The following CENPF variants were observed in gnomAD, a reference collection of about 807,000 sequenced individuals.
CENPF encodes AH antigen.
A neutral mutation model predicts 307.3 loss-of-function variants in CENPF; 214 were observed. That is an observed-to-expected ratio of 0.70 (90% CI 0.62 to 0.78). The LOEUF (loss-of-function observed/expected upper bound fraction) is 0.78, where lower values mean the gene tolerates loss of function less well. Ranked by LOEUF, CENPF falls within the 30% of genes least tolerant of loss-of-function variation. CENPF has a pLI of 0.00. For missense variants in CENPF, 3,401 were observed against 3,483.9 expected, an observed-to-expected ratio of 0.98 and a Z score of 0.60; for synonymous variants, 1,259 against 1,270.6, an observed-to-expected ratio of 0.99 and a Z score of 0.19.
At position 214,652,845 on chromosome 1, in the gene CENPF, G is replaced by T; in HGVS notation, c.8178G>T (p.Gln2726His). The stretch of plus-strand genomic sequence containing the variant: ...TGCTCTAGTATGAAGTAGAAATCCA[G>T]ACATACCGAGAGAAATTGACTTCTA... ...DTNKQYEVEIQTYREKLTSKE... is the reference protein window; with the variant it reads ...DTNKQYEVEIHTYREKLTSKE... The change falls in exon 16 of 20, where the codon CAG (glutamine) becomes CAT (histidine). Residue 2726 changes from glutamine (Q) to histidine (H), a missense_variant. Transcript: ENST00000366955. 6.3e-7 allele frequency: 1 copy of T among 1,592,152 alleles called. No homozygotes were observed. Among genetic ancestry groups the T allele is most frequent in the African/African-American group, 1.4e-5 (1 of 73,276 alleles).
In CENPF at chr1:214,647,201, T is replaced by A. The variant is rs753952351; in HGVS notation, c.7631T>A (p.Val2544Glu). 6.2e-7 allele frequency: 1 copy of A among 1,614,032 alleles called. No individual in the cohort carries two copies. Among genetic ancestry groups the A allele is most frequent in the Admixed American group, 1.7e-5 (1 of 60,006 alleles). ...CAGCTTGTCTCTAAACTGTCCCAGGTGGAAGGAGAGCACCAACTTTGGAAG... is the reference window on the plus strand; with the variant it reads ...CAGCTTGTCTCTAAACTGTCCCAGGAGGAAGGAGAGCACCAACTTTGGAAG... ...QEQLVSKLSQVEGEHQLWKEQ... is the reference protein window; with the variant it reads ...QEQLVSKLSQEEGEHQLWKEQ... Residue 2544 changes from valine to glutamate, a missense_variant, in exon 13 of 20, where the codon GTG becomes GAG. Transcript: ENST00000366955.
intron 10 of CENPF, among the ~76,000 whole-genome samples, chr1:214,633,126 T>G (rs375012576): frequency 6.6e-6 from 1 of 152,190 alleles, no homozygotes; most frequent in Admixed American, 6.5e-5. Context: ...CATCAAGCAA[T>G]TGTCAATTAT....
intron 19 of CENPF, among the ~76,000 whole-genome samples, chr1:214,660,075 G>T (rs1658751191): frequency 6.6e-6 from 1 of 152,156 alleles, no homozygotes; most frequent in Non-Finnish European, 1.5e-5. Flanking sequence ...CACATTGGTG[G>T]TTACACGTGG....
intron 15 of CENPF, among the ~76,000 whole-genome samples, chr1:214,652,622 T>C (rs931862595): frequency 7.9e-6 from 1 of 127,128 alleles, no homozygotes; most frequent in Non-Finnish European, 1.9e-5. Flanking sequence ...TTTTGTATTT[T>C]TAGTAGAGAC....
At chr1:214,617,478 A>T (rs1657392606) in intron 3 of CENPF, among the ~76,000 whole-genome samples, 1 of 152,212 alleles carries the variant, frequency 6.6e-6, no homozygotes, top group Non-Finnish European at 1.5e-5. Context: ...AGAGAGTTGG[A>T]AGAATTGAGC....
At chr1:214,614,614 A>G (rs1183502401) in intron 2 of CENPF, among the ~76,000 whole-genome samples, 1 of 152,088 alleles carries the variant, frequency 6.6e-6, no homozygotes, top group Non-Finnish European at 1.5e-5. Flanking sequence ...CCTTTCTAGG[A>G]TGGGTGTGTC....
chr1:214,619,450 T>G (rs1657447697), intron 5 of CENPF, among the ~76,000 whole-genome samples: 1 of 152,194 alleles, frequency 6.6e-6, no homozygotes, highest in Non-Finnish European at 1.5e-5. Context: ...ATATTAAATG[T>G]TCATATAATG....
chr1:214,646,961 G>A lies in CENPF; in HGVS notation c.7391G>A (p.Cys2464Tyr), dbSNP rs757387764. 6 of 1,614,088 alleles carry A rather than the reference G, an allele frequency of 3.7e-6. No homozygotes were observed. The highest frequency in any genetic ancestry group is 4.5e-5 in the East Asian group (2 of 44,880). ...VAALHNDQEA[C>Y]KAKEQNLSSQ... The stretch of plus-strand genomic sequence containing the variant: ...GCCCTGCATAATGACCAAGAAGCCT[G>A]TAAGGCCAAAGAGCAGAATCTTAGT... The change falls in exon 13 of 20, where the codon TGT becomes TAT. Residue 2464 changes from cysteine (C) to tyrosine (Y), a missense_variant. Coordinates refer to ENST00000366955, the MANE Select transcript of CENPF (RefSeq NM_016343.4).
chr1:214,652,773 G>T, intron 15 of CENPF, 55 bp from the exon 16 acceptor site: 1 of 1,432,814 alleles, frequency 7.0e-7, no homozygotes, highest in Non-Finnish European at 9.4e-7. Flanking sequence ...TTTTTTTTTA[G>T]CTGTGCCTCC....
intron 19 of CENPF, among the ~76,000 whole-genome samples, chr1:214,660,034 C>T (rs1057304122): frequency 6.6e-6 from 1 of 152,116 alleles, no homozygotes; most frequent in African/African-American, 2.4e-5. Flanking sequence ...TGAGCAAGCA[C>T]GTTCTTAGGA....
At chr1:214,626,022 T>C (rs1270653240) in intron 7 of CENPF, among the ~76,000 whole-genome samples, 2 of 152,214 alleles carry the variant, frequency 1.3e-5, no homozygotes, top group Admixed American at 6.5e-5. Flanking sequence ...TGTGTGTATA[T>C]ATATATAAAA....
chr1:214,632,315 T>A (rs1315975474), intron 9 of CENPF, among the ~76,000 whole-genome samples, 165 bp from the exon 10 acceptor site: 1 of 152,190 alleles, frequency 6.6e-6, no homozygotes, highest in Non-Finnish European at 1.5e-5. Flanking sequence ...CAAGGTCACA[T>A]TATGGTATTT....
chr1:214,645,460 C>T lies in CENPF; in HGVS notation c.5890C>T (p.Arg1964Cys), dbSNP rs139947449. 7.0e-5 allele frequency: 113 copies of T among 1,613,672 alleles called. 1 individual carries two copies. In the African/African-American group the frequency reaches 1.2e-3, roughly 17 times the overall value. ...SVVTSERNQL[R>C]GELDTMSKKT... ...GGTCACAAGTGAGAGAAACCAGCTT[C>T]GTGGAGAATTAGATACTATGTCAAA... Residue 1964 changes from arginine (R) to cysteine (C), a missense_variant, in exon 13 of 20, where the codon CGT becomes TGT. Physicochemically the swap from Arg to Cys is radical, Grantham distance 180. Transcript: ENST00000366955.
intron 7 of CENPF, among the ~76,000 whole-genome samples, chr1:214,626,111 C>T (rs937148952): frequency 1.3e-5 from 2 of 152,078 alleles, no homozygotes; most frequent in South Asian, 4.1e-4. Flanking sequence ...AGAGAACTTC[C>T]TTTAGCCCTT....
chr1:214,639,196 A>G (rs1253578990), intron 11 of CENPF, among the ~76,000 whole-genome samples: 2 of 152,204 alleles, frequency 1.3e-5, no homozygotes, highest in Non-Finnish European at 1.5e-5. Flanking sequence ...CTGTTTAATG[A>G]AAACATCGTG....
chr1:214,614,541 G>T (rs1314976733), intron 2 of CENPF, among the ~76,000 whole-genome samples: 1 of 152,186 alleles, frequency 6.6e-6, no homozygotes, highest in South Asian at 2.1e-4. Context: ...AAAATGAATT[G>T]TTAAGGGAGA....
chr1:214,653,023 A>G, intron 16 of CENPF, 34 bp downstream of exon 16: 1 of 1,561,598 alleles, frequency 6.4e-7, no homozygotes, highest in Non-Finnish European at 8.8e-7. Flanking sequence ...ATGATTTCGA[A>G]TGGTTTATAC....
rs755728964 is a variant in CENPF, at chr1:214,659,060, G to A, written c.9141+32G>A. The A allele has an allele frequency of 7.5e-6, 12 of 1,610,638 alleles. No individual in the cohort carries two copies. The highest frequency in any genetic ancestry group is 1.3e-5 in the African/African-American group (1 of 74,928). ...TACTGTCAACATCCGTCTACTGTTT[G>A]AGATCCAGAAAATTGCAGTAGTACC... On this transcript the variant is annotated intron_variant, in intron 19 of 19. Coordinates refer to ENST00000366955, the MANE Select transcript of CENPF (RefSeq NM_016343.4). The surrounding 1 kb of genome is among the most constrained non-coding windows in gnomAD (Gnocchi z 4.4).
chr1:214,610,359 T>A (rs1657165455), intron 1 of CENPF, among the ~76,000 whole-genome samples: 1 of 152,234 alleles, frequency 6.6e-6, no homozygotes, highest in South Asian at 2.1e-4. Flanking sequence ...TGTTATTTTT[T>A]AACTTTTTAA....
Sources: gnomAD v4.1 joint callset for allele counts (sites outside exome capture counted in the v4.1 genomes callset) on GRCh38, gnomAD v4.1.1 for gene constraint, Gnocchi (gnomAD v3.1) non-coding constraint, MANE v1.5 for transcripts, NCBI Gene and HGNC (gene_info 2026-07-23, HGNC 2026-07-21) for gene names.